Variants in MOV10L1 observed in about 807,000 individuals in gnomAD.
The protein encoded by MOV10L1 is Mov10 like RNA helicase 1, also known as RNA helicase Mov10l1.
A neutral mutation model predicts 143.8 loss-of-function variants in MOV10L1; 110 were observed. The ratio of observed to expected loss-of-function variants is 0.76; its 90% CI spans 0.66 to 0.90. MOV10L1 has a LOEUF of 0.90. Ranked by LOEUF, MOV10L1 falls within the 40% of genes least tolerant of loss-of-function variation. The probability of loss-of-function intolerance (pLI) is 0.00; values close to 1 mark genes in which losing one functional copy is unlikely to be tolerated. For missense variants in MOV10L1, 1,406 were observed against 1,526.8 expected (o/e 0.92, Z 1.32); for synonymous variants, 593 against 581.1 (o/e 1.02, Z -0.29).
chr22:50,137,760 T>C (rs1234886729), intron 15 of MOV10L1, among the ~76,000 whole-genome samples: 1 of 119,306 alleles, frequency 8.4e-6, no homozygotes, highest in East Asian at 2.0e-4. Flanking sequence ...CATATATAAA[T>C]ATACATATTT....
In MOV10L1 at chr22:50,092,116, G is replaced by C. The variant is rs767902709; in HGVS notation, c.213G>C (p.Leu71=). 3 of 1,614,214 alleles carry C rather than the reference G, an allele frequency of 1.9e-6. No individual in the cohort carries two copies. The highest frequency in any genetic ancestry group is 2.2e-5 in the South Asian group (2 of 91,084). Residue 71 remains leucine (L), a synonymous_variant, in exon 2 of 27, where the codon CTG becomes CTC. Coordinates refer to ENST00000262794, the MANE Select transcript of MOV10L1 (RefSeq NM_018995.3). Reference sequence around the variant, plus strand: ...ATGCTGTGACTAGCAGAGTGCTTCTGAATGTTGGACAGGAAGTGATTGCAG... The same window carrying C: ...ATGCTGTGACTAGCAGAGTGCTTCTCAATGTTGGACAGGAAGTGATTGCAG... ...SSDAVTSRVL[L]NVGQEVIAVV...
At chr22:50,098,446 T>C (rs1710942567) in intron 2 of MOV10L1, among the ~76,000 whole-genome samples, 1 of 152,242 alleles carries the variant, frequency 6.6e-6, no homozygotes, top group African/African-American at 2.4e-5. Context: ...GGTTACTAAG[T>C]GTTCTGAGGA....
intron 15 of MOV10L1, among the ~76,000 whole-genome samples, chr22:50,141,074 CAG>C (rs1194984891): frequency 6.6e-6 from 1 of 151,024 alleles, no homozygotes; most frequent in South Asian, 2.1e-4. Context: ...TGTTTTGAGA[CAG>C]AGTCTCGCTC....
intron 15 of MOV10L1, among the ~76,000 whole-genome samples, chr22:50,138,944 C>T (rs1480443933): frequency 2.0e-5 from 3 of 151,948 alleles, no homozygotes; most frequent in African/African-American, 4.8e-5. Flanking sequence ...CCTCATGATC[C>T]GCCCACCTCA....
At chr22:50,091,861 C>T in intron 1 of MOV10L1, 140 bp from the exon 2 acceptor site, 1 of 733,952 alleles carries the variant, frequency 1.4e-6, no homozygotes. Context: ...TTCTCTCTGT[C>T]TCAAGTCAGC....
intron 22 of MOV10L1, among the ~76,000 whole-genome samples, chr22:50,154,509 A>C (rs888423078): frequency 1.2e-4 from 18 of 152,106 alleles, no homozygotes; most frequent in Admixed American, 1.1e-3. Flanking sequence ...TTGAGGCTGC[A>C]GTGAGCTATG....
At chr22:50,097,470 A>G (rs1034902360) in intron 2 of MOV10L1, among the ~76,000 whole-genome samples, 9 of 152,006 alleles carry the variant, frequency 5.9e-5, no homozygotes, top group African/African-American at 2.2e-4. Flanking sequence ...TAACTTTATT[A>G]TTTTGCCCAT....
chr22:50,161,454 C>T lies in MOV10L1; in HGVS notation c.*5C>T. ...AAGCATCAGGAGCCCAGCTGATCTG[C>T]AGTGGCTGACAGCAGGGAGGCCATG... On this transcript the variant is annotated 3_prime_UTR_variant, in exon 27 of 27. Coordinates refer to ENST00000262794, the MANE Select transcript of MOV10L1 (RefSeq NM_018995.3). 1 of 1,578,096 alleles carries T rather than the reference C, an allele frequency of 6.3e-7. No individual in the cohort carries two copies. The highest frequency in any genetic ancestry group is 1.2e-5 in the South Asian group (1 of 86,254).
At chr22:50,157,627 G>C (rs1366148948) in intron 22 of MOV10L1, among the ~76,000 whole-genome samples, 2 of 151,994 alleles carry the variant, frequency 1.3e-5, no homozygotes, top group African/African-American at 4.8e-5. Flanking sequence ...CCGTATATTC[G>C]AGGGTTTATT....
chr22:50,108,200 C>T lies in MOV10L1; in HGVS notation c.507C>T (p.Ser169=). 6.2e-7 allele frequency: 1 copy of T among 1,614,098 alleles called. No individual in the cohort carries two copies. The highest frequency in any genetic ancestry group is 8.5e-7 in the Non-Finnish European group (1 of 1,180,016). The change falls in exon 4 of 27, where the codon AGC becomes AGT. Residue 169 remains serine (S), a synonymous_variant. Transcript: ENST00000262794. ...ACCGGATCCGGCCTGGCACGTGGAG[C>T]AGCGAAGCCACCTCAGTGAAGCCAC... ...AEYRIRPGTW[S]SEATSVKPLR...
At chr22:50,134,765 G>A in intron 15 of MOV10L1, 135 bp downstream of exon 15, 4 of 711,734 alleles carry the variant, frequency 5.6e-6, no homozygotes, top group East Asian at 2.5e-5. Flanking sequence ...TCTACACAGG[G>A]GGTGGGCGTT....
intron 2 of MOV10L1, chr22:50,095,168 A>C (rs1350696184): frequency 1.3e-5 from 2 of 152,236 alleles, no homozygotes; most frequent in African/African-American, 4.8e-5. Context: ...AGAGACTGTG[A>C]ATGCAAAGTA....
At chr22:50,092,563 A>G (rs1231574781) in intron 2 of MOV10L1, among the ~76,000 whole-genome samples, 1 of 152,166 alleles carries the variant, frequency 6.6e-6, no homozygotes, top group Non-Finnish European at 1.5e-5. Context: ...GCTTGAGCCC[A>G]GAGGGTCAAG....
intron 3 of MOV10L1, among the ~76,000 whole-genome samples, chr22:50,102,230 C>T (rs187321269): frequency 6.6e-6 from 1 of 152,260 alleles, no homozygotes; most frequent in East Asian, 1.9e-4. Context: ...AGCAAAAGAA[C>T]TTTTTTGAAA....
chr22:50,155,677 T>C (rs894065302), intron 22 of MOV10L1, among the ~76,000 whole-genome samples: 4 of 152,226 alleles, frequency 2.6e-5, no homozygotes, highest in African/African-American at 7.2e-5. Flanking sequence ...GGTTTCACCA[T>C]GTTGGCCCAG....
At chr22:50,157,286 T>G (rs2063450694) in intron 22 of MOV10L1, among the ~76,000 whole-genome samples, 1 of 152,128 alleles carries the variant, frequency 6.6e-6, no homozygotes, top group Non-Finnish European at 1.5e-5. Context: ...CTCCGCAGAC[T>G]ATCTTTTCAC....
At chr22:50,112,251 A>G (rs2062044354) in intron 5 of MOV10L1, among the ~76,000 whole-genome samples, 1 of 152,206 alleles carries the variant, frequency 6.6e-6, no homozygotes, top group Admixed American at 6.5e-5. Context: ...CTCCCGCTGC[A>G]TCTGACCACG....
At chr22:50,133,834 G>A (rs968781366) in intron 13 of MOV10L1, among the ~76,000 whole-genome samples, 173 bp from the exon 14 acceptor site, 2 of 152,066 alleles carry the variant, frequency 1.3e-5, no homozygotes, top group South Asian at 2.1e-4. Context: ...GTGAGCCACC[G>A]CGCCCGTCCT....
chr22:50,094,293 A>T (rs2062531062), intron 2 of MOV10L1: 1 of 151,940 alleles, frequency 6.6e-6, no homozygotes, highest in African/African-American at 2.4e-5. Flanking sequence ...AGGTCCTGTA[A>T]ATTTCTTACT....
Sources: allele counts gnomAD v4.1 joint callset (sites outside exome capture counted in the v4.1 genomes callset), GRCh38; gene constraint gnomAD v4.1.1; transcripts MANE v1.5; gene names NCBI Gene and HGNC (gene_info 2026-07-23, HGNC 2026-07-21).